Variants in GCNT2 observed in about 807,000 individuals in gnomAD.
The protein encoded by GCNT2 is N-acetyllactosaminide beta-1,6-N-acetylglucosaminyl-transferase.
GCNT2 carries 34 observed loss-of-function variants against 34.2 expected under a neutral mutation model. The observed-to-expected ratio is 1.00, with a 90% CI of 0.76 to 1.32. The LOEUF (loss-of-function observed/expected upper bound fraction) is 1.32, where lower values mean the gene tolerates loss of function less well. GCNT2 is among the 40% of genes most tolerant of loss of function. The pLI is 0.00. For synonymous variants in GCNT2, 212 were observed against 188.0 expected (o/e 1.13, Z -1.04); for missense variants, 584 against 489.4 (o/e 1.19, Z -1.82).
At chr6:10,601,958 A>C (rs1023097759) in intron 3 of GCNT2, among the ~76,000 whole-genome samples, 4 of 136,036 alleles carry the variant, frequency 2.9e-5, no homozygotes, top group African/African-American at 1.3e-4. Flanking sequence ...AAAAAAAAAA[A>C]AACAAAAAAA....
intron 3 of GCNT2, among the ~76,000 whole-genome samples, chr6:10,542,885 T>G (rs1188489761): frequency 6.8e-6 from 1 of 146,500 alleles, no homozygotes; most frequent in Non-Finnish European, 1.5e-5. Context: ...CTGGTCCCTA[T>G]GTTAATTCTT....
At chr6:10,604,866 AG>A (rs1765240089) in intron 3 of GCNT2, among the ~76,000 whole-genome samples, 1 of 115,250 alleles carries the variant, frequency 8.7e-6, no homozygotes, top group South Asian at 2.7e-4. Context: ...CTCAAAAAAA[AG>A]AAAAAGAAAA....
At chr6:10,598,120 C>G (rs951739587) in intron 3 of GCNT2, among the ~76,000 whole-genome samples, 1 of 152,056 alleles carries the variant, frequency 6.6e-6, no homozygotes, top group Non-Finnish European at 1.5e-5. Flanking sequence ...CGAAGAGATT[C>G]CTGTATTATT....
intron 4 of GCNT2, among the ~76,000 whole-genome samples, chr6:10,624,183 TC>T (rs1324515329): frequency 6.6e-6 from 1 of 152,208 alleles, no homozygotes; most frequent in Non-Finnish European, 1.5e-5. Context: ...TTTTCAGCTT[TC>T]CTGCTCACCT....
intron 1 of GCNT2, among the ~76,000 whole-genome samples, chr6:10,526,258 G>T (rs1235224461): frequency 6.6e-6 from 1 of 152,118 alleles, no homozygotes; most frequent in Non-Finnish European, 1.5e-5. Context: ...GGCACAACTG[G>T]GTGTACCTGA....
At chr6:10,525,113 C>T (rs1761124240) in intron 1 of GCNT2, among the ~76,000 whole-genome samples, 2 of 152,074 alleles carry the variant, frequency 1.3e-5, no homozygotes, top group African/African-American at 2.4e-5. Flanking sequence ...GAAAGGAACC[C>T]CTTTTTTTCT....
chr6:10,521,770 T>G (rs1397341944), intron 1 of GCNT2, among the ~76,000 whole-genome samples: 1 of 152,116 alleles, frequency 6.6e-6, no homozygotes, highest in East Asian at 1.9e-4. Context: ...TGTATCTCAG[T>G]TACAACTTTT....
chr6:10,546,012 C>T (rs551681063), intron 3 of GCNT2, among the ~76,000 whole-genome samples: 7 of 152,176 alleles, frequency 4.6e-5, no homozygotes, highest in South Asian at 2.1e-4. Context: ...AATATTTTCC[C>T]GATGTGTGTT....
At chr6:10,608,158 A>G (rs920166368) in intron 3 of GCNT2, among the ~76,000 whole-genome samples, 4 of 150,746 alleles carry the variant, frequency 2.7e-5, no homozygotes, top group South Asian at 2.1e-4. Flanking sequence ...GCTCACTGCA[A>G]TCTCTGCCTC....
At chr6:10,562,026 A>G (rs1490016056) in intron 3 of GCNT2, among the ~76,000 whole-genome samples, 2 of 152,182 alleles carry the variant, frequency 1.3e-5, no homozygotes, top group African/African-American at 4.8e-5. Flanking sequence ...ACTCAACTCA[A>G]AGGAGCTTAA....
chr6:10,573,365 T>G, intron 3 of GCNT2: 8 of 376,902 alleles, frequency 2.1e-5, no homozygotes, highest in Non-Finnish European at 2.7e-5. Flanking sequence ...TGTTGTTATC[T>G]TTGCTTGGGC....
At chr6:10,577,839 C>T (rs1467661029) in intron 3 of GCNT2, among the ~76,000 whole-genome samples, 1 of 152,088 alleles carries the variant, frequency 6.6e-6, no homozygotes, top group Non-Finnish European at 1.5e-5. Context: ...CTGCACCCGG[C>T]CTATTGAATC....
chr6:10,580,696 G>A (rs1268083021), intron 3 of GCNT2, among the ~76,000 whole-genome samples: 1 of 152,030 alleles, frequency 6.6e-6, no homozygotes, highest in East Asian at 1.9e-4. Context: ...GGTCCGACTC[G>A]GGTTCCAGTC....
chr6:10,589,423 G>C (rs1398341900), intron 3 of GCNT2, among the ~76,000 whole-genome samples: 3 of 151,460 alleles, frequency 2.0e-5, no homozygotes, highest in Non-Finnish European at 4.4e-5. Context: ...GTGTGGTGTG[G>C]GTGTGTGCGT....
intron 3 of GCNT2, among the ~76,000 whole-genome samples, chr6:10,551,932 A>AT (rs1379272550): frequency 6.8e-6 from 1 of 147,234 alleles, no homozygotes. Context: ...TAATTTTTGT[A>AT]TTTTTAGTAG....
intron 3 of GCNT2, among the ~76,000 whole-genome samples, chr6:10,576,812 G>T (rs1172756995): frequency 6.6e-6 from 1 of 152,190 alleles, no homozygotes; most frequent in Admixed American, 6.5e-5. Flanking sequence ...AGTGGCTCAA[G>T]CCTGTAATCC....
Position 10,611,492 on chromosome 6 carries a change from G to A in GCNT2, c.926-9859G>A, listed in dbSNP as rs573743183. On this transcript the variant is annotated intron_variant, in intron 3 of 4. Transcript: ENST00000495262. The stretch of plus-strand genomic sequence containing the variant: ...ACTACAGGTGTGCGCCACCACGCCC[G>A]GCTAATTTTTGTATTTTTAGTAGAG... Among the ~76,000 whole-genome samples the A allele has an allele frequency of 2.0e-3, 298 of 151,982 alleles. 2 individuals are homozygous for A. The highest frequency in any genetic ancestry group is 2.7e-3 in the Non-Finnish European group (184 of 67,972).
At chr6:10,535,139 G>A (rs372126947) in intron 3 of GCNT2, among the ~76,000 whole-genome samples, 120 of 152,210 alleles carry the variant, frequency 7.9e-4, no homozygotes, top group African/African-American at 2.8e-3. Flanking sequence ...AGCCGAGATC[G>A]CGCCACTGCA....
intron 3 of GCNT2, among the ~76,000 whole-genome samples, chr6:10,560,945 G>A (rs1252708744): frequency 1.3e-5 from 2 of 152,236 alleles, no homozygotes; most frequent in South Asian, 4.1e-4. Flanking sequence ...GGGGTGTCTA[G>A]CCCCCTCCCT....
Sources: allele counts gnomAD v4.1 joint callset (sites outside exome capture counted in the v4.1 genomes callset), GRCh38; gene constraint gnomAD v4.1.1; transcripts MANE v1.5; gene names NCBI Gene and HGNC (gene_info 2026-07-23, HGNC 2026-07-21).